Variants in NTRK2 observed in about 807,000 individuals in gnomAD.
NTRK2 encodes BDNF/NT-3 growth factors receptor.
A neutral mutation model predicts 94.5 loss-of-function variants in NTRK2; 13 were observed. The ratio of observed to expected loss-of-function variants is 0.14; its 90% confidence interval spans 0.09 to 0.22. NTRK2 has a LOEUF of 0.22. Ranked by LOEUF, NTRK2 falls within the 10% of genes least tolerant of loss-of-function variation. NTRK2 has a pLI of 1.00. For synonymous variants in NTRK2, 372 were observed against 407.4 expected (o/e 0.91, Z 1.05); for missense variants, 639 against 1,071.2 (o/e 0.60, Z 5.63).
At chr9:84,979,514 G>T (rs1827317784) in intron 17 of NTRK2, among the ~76,000 whole-genome samples, 1 of 152,282 alleles carries the variant, frequency 6.6e-6, no homozygotes, top group South Asian at 2.1e-4. Context: ...AAATAAAGTG[G>T]TTTTTTGAGC....
At chr9:84,711,304 G>T (rs986409509) in intron 6 of NTRK2, among the ~76,000 whole-genome samples, 1 of 152,164 alleles carries the variant, frequency 6.6e-6, no homozygotes, top group African/African-American at 2.4e-5. Context: ...GCCATGCCAC[G>T]TGCTTCTCCC....
chr9:84,735,631 G>A (rs988057461), intron 9 of NTRK2, among the ~76,000 whole-genome samples: 2 of 152,232 alleles, frequency 1.3e-5, no homozygotes, highest in African/African-American at 4.8e-5. Context: ...TGTGGCTTAA[G>A]AAGGCTAGGG....
At chr9:84,824,108 A>G (rs1434162743) in intron 12 of NTRK2, among the ~76,000 whole-genome samples, 1 of 152,164 alleles carries the variant, frequency 6.6e-6, no homozygotes, top group Non-Finnish European at 1.5e-5. Flanking sequence ...TCCCACCCTG[A>G]GCTTAGGGAG....
chr9:84,696,668 C>T (rs1271065011), intron 2 of NTRK2, among the ~76,000 whole-genome samples: 1 of 152,186 alleles, frequency 6.6e-6, no homozygotes, highest in Non-Finnish European at 1.5e-5. Context: ...GAGTACCTCC[C>T]ATTGCTCTAA....
At chr9:84,913,723 T>C (rs1404744578) in intron 14 of NTRK2, among the ~76,000 whole-genome samples, 1 of 152,134 alleles carries the variant, frequency 6.6e-6, no homozygotes, top group Non-Finnish European at 1.5e-5. Context: ...TCTTTGTCTT[T>C]AGTTTTGAGA....
chr9:84,924,059 G>A (rs2077658435), intron 14 of NTRK2, among the ~76,000 whole-genome samples: 1 of 151,898 alleles, frequency 6.6e-6, no homozygotes, highest in Admixed American at 6.5e-5. Context: ...CCTCAATGGA[G>A]GTTTATGGCT....
At chr9:84,699,916 GA>G (rs1228727297) in intron 2 of NTRK2, among the ~76,000 whole-genome samples, 1 of 152,066 alleles carries the variant, frequency 6.6e-6, no homozygotes, top group Non-Finnish European at 1.5e-5. Flanking sequence ...GATGAAAAAT[GA>G]AAAGAAAGGG....
chr9:84,706,729 A>C (rs2061122785), intron 4 of NTRK2, among the ~76,000 whole-genome samples: 1 of 151,202 alleles, frequency 6.6e-6, no homozygotes, highest in East Asian at 1.9e-4. Context: ...ACGGGGTTTC[A>C]CTGTGTTAGC....
At chr9:84,749,656 C>T (rs2064410548) in intron 11 of NTRK2, among the ~76,000 whole-genome samples, 1 of 152,162 alleles carries the variant, frequency 6.6e-6, no homozygotes. Flanking sequence ...CTGTTCCAAA[C>T]CCATTACCTG....
At chr9:84,813,039 T>C (rs2071987536) in intron 12 of NTRK2, 1 of 1,037,314 alleles carries the variant, frequency 9.6e-7, no homozygotes, top group Non-Finnish European at 1.2e-6. Context: ...ATTTTGCTTT[T>C]TATGTCTCCC....
chr9:85,006,869 C>A (rs1328932185), intron 17 of NTRK2, among the ~76,000 whole-genome samples: 1 of 152,190 alleles, frequency 6.6e-6, no homozygotes, highest in Non-Finnish European at 1.5e-5. Flanking sequence ...CTTCTGGATA[C>A]CCCTCTGGGC....
At chr9:84,855,763 C>T (rs991122972) in intron 12 of NTRK2, among the ~76,000 whole-genome samples, 4 of 152,170 alleles carry the variant, frequency 2.6e-5, no homozygotes, top group East Asian at 1.9e-4. Context: ...TCTACTCTGT[C>T]TACGCCCACA....
intron 14 of NTRK2, chr9:84,877,621 A>G (rs1587796073): frequency 9.4e-7 from 1 of 1,065,584 alleles, no homozygotes; most frequent in Non-Finnish European, 1.1e-6. Context: ...CTGCGGTAGG[A>G]TAGGGAAGGG....
At chr9:84,911,105 CAT>C (rs553399993) in intron 14 of NTRK2, among the ~76,000 whole-genome samples, 31 of 152,256 alleles carry the variant, frequency 2.0e-4, no homozygotes, top group South Asian at 8.3e-4. Flanking sequence ...AAATCCTACA[CAT>C]GTTTGAATAT....
At chr9:84,856,248 C>G (rs544051704) in intron 12 of NTRK2, among the ~76,000 whole-genome samples, 1 of 152,094 alleles carries the variant, frequency 6.6e-6, no homozygotes, top group Non-Finnish European at 1.5e-5. Flanking sequence ...TTTCCAGAAC[C>G]AGTTTAACTC....
At chr9:84,701,122 T>A (rs1187337) in intron 2 of NTRK2, among the ~76,000 whole-genome samples, 28 of 152,058 alleles carry the variant, frequency 1.8e-4, no homozygotes, top group African/African-American at 6.8e-4. Flanking sequence ...GTTTTAATAG[T>A]TATTTGTTTG....
chr9:85,001,075 C>T (rs907934789), intron 17 of NTRK2, among the ~76,000 whole-genome samples: 19 of 152,168 alleles, frequency 1.2e-4, no homozygotes, highest in African/African-American at 3.9e-4. Context: ...AGTTATGAAA[C>T]AATTGAGTCT....
intron 2 of NTRK2, among the ~76,000 whole-genome samples, chr9:84,701,435 T>C (rs987044205): frequency 6.6e-6 from 1 of 152,016 alleles, no homozygotes; most frequent in Non-Finnish European, 1.5e-5. Context: ...CTCCTCTTAG[T>C]GTAATTGAGA....
At chr9:84,942,925 C>A (rs923159337) in intron 15 of NTRK2, among the ~76,000 whole-genome samples, 9 of 152,172 alleles carry the variant, frequency 5.9e-5, no homozygotes, top group Non-Finnish European at 1.2e-4. Context: ...GATCTTGCCA[C>A]AGTGATCCTA....
Sources: gnomAD v4.1 joint callset for allele counts (sites outside exome capture counted in the v4.1 genomes callset) on GRCh38, gnomAD v4.1.1 for gene constraint, MANE v1.5 for transcripts, NCBI Gene and HGNC (gene_info 2026-07-23, HGNC 2026-07-21) for gene names.